BCAR3: variants seen among roughly 807,000 people sequenced by gnomAD.
The protein encoded by BCAR3 is BCAR3 adaptor protein, NSP family member.
In BCAR3, 37 loss-of-function variants were observed where a neutral mutation model predicts 80.1. The ratio of observed to expected loss-of-function variants is 0.46; its 90% CI spans 0.36 to 0.61. The LOEUF is 0.61. Among genes scored for constraint, BCAR3 ranks in the 20% least tolerant of loss-of-function variants. BCAR3 has a pLI of 0.00. For missense variants in BCAR3, 978 were observed against 1,068.2 expected, an observed-to-expected ratio of 0.92 and a Z score of 1.18; for synonymous variants, 389 against 418.9, an observed-to-expected ratio of 0.93 and a Z score of 0.87.
At chr1:93,724,749 G>A (rs570464598) in intron 2 of BCAR3, among the ~76,000 whole-genome samples, 10 of 152,312 alleles carry the variant, frequency 6.6e-5, no homozygotes, top group South Asian at 4.1e-4. Context: ...AGAAGATGGC[G>A]GGAAGCCGAT....
chr1:93,813,373 C>A (rs2747043), intron 2 of BCAR3, among the ~76,000 whole-genome samples: 43,538 of 152,022 alleles, frequency 0.29, 7,206 homozygotes, highest in East Asian at 0.53. Context: ...TCACTGCCCC[C>A]ACCCCCTCAA....
At chr1:93,820,734 G>A (rs1481666032) in intron 2 of BCAR3, among the ~76,000 whole-genome samples, 1 of 152,110 alleles carries the variant, frequency 6.6e-6, no homozygotes, top group Non-Finnish European at 1.5e-5. Context: ...TAAATCAGGG[G>A]GCATTGGTGA....
intron 3 of BCAR3, among the ~76,000 whole-genome samples, chr1:93,600,919 A>C (rs1270964773): frequency 2.0e-5 from 3 of 152,222 alleles, no homozygotes; most frequent in African/African-American, 7.2e-5. Flanking sequence ...GCGAGTGCCC[A>C]GTAGACAGTG....
At chr1:93,848,111 G>A (rs1655299381), upstream of BCAR3, 1 of 152,678 alleles carries the variant, frequency 6.5e-6, no homozygotes, top group African/African-American at 2.4e-5. Flanking sequence ...GCTTCCAGAT[G>A]AGCAGACACC....
At chr1:93,607,673 C>T (rs1461337209) in intron 3 of BCAR3, among the ~76,000 whole-genome samples, 3 of 152,120 alleles carry the variant, frequency 2.0e-5, no homozygotes, top group Non-Finnish European at 4.4e-5. Flanking sequence ...TCTCCTTCCA[C>T]TCCTCAGCTT....
At chr1:93,766,406 C>T (rs147615300) in intron 2 of BCAR3, among the ~76,000 whole-genome samples, 39 of 152,354 alleles carry the variant, frequency 2.6e-4, no homozygotes, top group African/African-American at 8.7e-4. Context: ...ATGGTGCTGA[C>T]CATGACTGAG....
chr1:93,831,036 C>A (rs1654544994), intron 2 of BCAR3, among the ~76,000 whole-genome samples: 1 of 152,132 alleles, frequency 6.6e-6, no homozygotes, highest in Admixed American at 6.5e-5. Flanking sequence ...ATCCGTGGAC[C>A]CAAAACTCTG....
At chr1:93,783,887 T>C (rs1384750977) in intron 2 of BCAR3, among the ~76,000 whole-genome samples, 1 of 152,228 alleles carries the variant, frequency 6.6e-6, no homozygotes, top group Non-Finnish European at 1.5e-5. Flanking sequence ...ACTGCTTCAA[T>C]TAATAGACAC....
At chr1:93,813,828 C>T (rs1254516407) in intron 2 of BCAR3, among the ~76,000 whole-genome samples, 9 of 152,200 alleles carry the variant, frequency 5.9e-5, no homozygotes, top group Admixed American at 2.6e-4. Flanking sequence ...GCTTTTTTCT[C>T]AGCCCAGGAT....
chr1:93,671,643 A>G (rs76511222), intron 2 of BCAR3, among the ~76,000 whole-genome samples: 2,285 of 152,312 alleles, frequency 0.015, 27 homozygotes, highest in Non-Finnish European at 0.023. Context: ...GTTGAATGAG[A>G]AGTTCCATTT....
At chr1:93,833,788 TACAA>T (rs1427733048) in intron 2 of BCAR3, among the ~76,000 whole-genome samples, 4 of 152,202 alleles carry the variant, frequency 2.6e-5, no homozygotes, top group Admixed American at 2.6e-4. Flanking sequence ...ACACATGCTT[TACAA>T]ACAATTTGTG....
intron 3 of BCAR3, among the ~76,000 whole-genome samples, chr1:93,620,817 G>A (rs1675283615): frequency 6.6e-6 from 1 of 152,124 alleles, no homozygotes; most frequent in South Asian, 2.1e-4. Flanking sequence ...AACCGTGTCT[G>A]GTATAGCTCC....
At chr1:93,777,429 CTCCTCCTCCTCTTCCTCCTCCTCCTCT>C (rs1652605319) in intron 2 of BCAR3, among the ~76,000 whole-genome samples, 2 of 125,108 alleles carry the variant, frequency 1.6e-5, no homozygotes, top group Admixed American at 1.5e-4. Flanking sequence ...CCTCCTCTTC[CTCCTCCTCCTCTTCCTCCTCCTCCTCT>C]TCCTCCTCCT....
intron 2 of BCAR3, among the ~76,000 whole-genome samples, chr1:93,781,747 T>G (rs182573423): frequency 2.0e-3 from 301 of 152,340 alleles, no homozygotes; most frequent in Non-Finnish European, 2.2e-3. Context: ...CTCCTATGCC[T>G]GTCTACTTTC....
intron 2 of BCAR3, among the ~76,000 whole-genome samples, chr1:93,663,258 A>G (rs1340044669): frequency 1.3e-5 from 2 of 151,920 alleles, no homozygotes; most frequent in Non-Finnish European, 2.9e-5. Context: ...TACCCTTCAC[A>G]TTTTTCACAA....
chr1:93,563,930 G>A (rs1190573046), intron 11 of BCAR3, among the ~76,000 whole-genome samples: 1 of 152,042 alleles, frequency 6.6e-6, no homozygotes, highest in Non-Finnish European at 1.5e-5. Context: ...TTGACCTCAG[G>A]TGATCCACCC....
intron 3 of BCAR3, among the ~76,000 whole-genome samples, chr1:93,634,883 T>A (rs1157335665): frequency 2.6e-5 from 4 of 152,198 alleles, no homozygotes; most frequent in African/African-American, 7.2e-5. Flanking sequence ...CTCGGGTATG[T>A]CTTTATCAGC....
In BCAR3 at chr1:93,797,775, G is replaced by T. The variant is rs905144478; in HGVS notation, c.-63+47792C>A. 2.0e-5 allele frequency among the ~76,000 whole-genome samples: 3 copies of T among 152,162 alleles called. No individual in the cohort carries two copies. The South Asian group carries it at 6.2e-4, about 32-fold the overall frequency. ...AAGTGAATTATCTGTTCAGTGAAATGAGTTCCCTATTTCTATGTAATTTGG... is the reference window on the plus strand; with the variant it reads ...AAGTGAATTATCTGTTCAGTGAAATTAGTTCCCTATTTCTATGTAATTTGG... On this transcript the variant is annotated intron_variant, in intron 2 of 13. Transcript: ENST00000370244.
At position 93,699,536 on chromosome 1, in the gene BCAR3, T is replaced by G. The variant is rs530504263; in HGVS notation, c.-12+6556A>C. ...GGGGGTGGATGGGCAGAAGAACTCA[T>G]GAGGTGATCATATACCGGCCTCAGT... is the stretch of plus-strand genomic sequence containing the variant. On this transcript the variant is annotated intron_variant, in intron 3 of 13. Transcript: ENST00000370244. Among the ~76,000 whole-genome samples the G allele has an allele frequency of 6.6e-5, 10 of 152,096 alleles. No homozygotes were observed. In the East Asian group the frequency reaches 1.5e-3, roughly 23 times the overall value.
Sources: allele counts gnomAD v4.1 joint callset (sites outside exome capture counted in the v4.1 genomes callset), GRCh38; gene constraint gnomAD v4.1.1; transcripts MANE v1.5; gene names NCBI Gene and HGNC (gene_info 2026-07-23, HGNC 2026-07-21).